SLC24A3: variants seen among roughly 807,000 people sequenced by gnomAD.
SLC24A3 encodes solute carrier family 24 member 3.
A neutral mutation model predicts 75.8 loss-of-function variants in SLC24A3; 28 were observed. The observed-to-expected ratio is 0.37, with a 90% confidence interval of 0.27 to 0.51. The LOEUF (loss-of-function observed/expected upper bound fraction) is 0.51. SLC24A3 is among the 20% of genes least tolerant of loss of function. The pLI is 0.94. For synonymous variants in SLC24A3, 372 were observed against 334.1 expected (o/e 1.11, Z -1.24); for missense variants, 663 against 847.8 (o/e 0.78, Z 2.71).
chr20:19,411,444 G>A (rs1568611190), intron 2 of SLC24A3, among the ~76,000 whole-genome samples: 1 of 152,172 alleles, frequency 6.6e-6, no homozygotes, highest in African/African-American at 2.4e-5. Flanking sequence ...AGATATGTTT[G>A]GACTTTGCCT....
intron 6 of SLC24A3, among the ~76,000 whole-genome samples, chr20:19,638,613 C>T (rs1006336466): frequency 2.0e-5 from 3 of 152,096 alleles, no homozygotes; most frequent in African/African-American, 7.2e-5. Flanking sequence ...TTACATATGT[C>T]AATGCATTTG....
At chr20:19,412,571 C>A (rs936372265) in intron 2 of SLC24A3, among the ~76,000 whole-genome samples, 2 of 147,794 alleles carry the variant, frequency 1.4e-5, no homozygotes, top group East Asian at 2.0e-4. Context: ...AGGGACAGGA[C>A]GAGGAGAAAG....
Position 19,270,024 on chromosome 20 carries a change from C to G in SLC24A3, c.143-10935C>G, listed in dbSNP as rs79411641. Among the ~76,000 whole-genome samples the G allele has an allele frequency of 7.0e-3, 1,070 of 152,298 alleles. 13 individuals carry two copies. Among genetic ancestry groups the G allele is most frequent in the African/African-American group, 0.025 (1,027 of 41,560 alleles). On this transcript the variant is annotated intron_variant, in intron 1 of 16. Coordinates refer to ENST00000328041, the MANE Select transcript of SLC24A3 (RefSeq NM_020689.4). ...CTACGATTTCTCTTCCAACGGCACC[C>G]ATTTCATTGGGGCTGCTCTGTCCAG...
chr20:19,444,871 T>C (rs1389533623), intron 2 of SLC24A3, among the ~76,000 whole-genome samples: 1 of 118,680 alleles, frequency 8.4e-6, no homozygotes, highest in African/African-American at 6.2e-5. Flanking sequence ...AATCGGCTTT[T>C]TGTTGTTGTT....
intron 2 of SLC24A3, among the ~76,000 whole-genome samples, chr20:19,364,744 C>T (rs970563425): frequency 2.6e-5 from 4 of 152,112 alleles, no homozygotes; most frequent in African/African-American, 4.8e-5. Flanking sequence ...CATGAGCCAC[C>T]GTACCTGGCC....
At chr20:19,448,400 A>C (rs1987422497) in intron 2 of SLC24A3, among the ~76,000 whole-genome samples, 1 of 152,238 alleles carries the variant, frequency 6.6e-6, no homozygotes. Context: ...TCAATGTGCA[A>C]ACACAACCTT....
At chr20:19,310,646 A>G (rs991961379) in intron 2 of SLC24A3, among the ~76,000 whole-genome samples, 1 of 152,232 alleles carries the variant, frequency 6.6e-6, no homozygotes, top group Non-Finnish European at 1.5e-5. Flanking sequence ...TCTGCAGCCT[A>G]TGAAGCCTTG....
chr20:19,659,211 C>T (rs2032299228), intron 7 of SLC24A3, among the ~76,000 whole-genome samples: 1 of 152,186 alleles, frequency 6.6e-6, no homozygotes, highest in Admixed American at 6.5e-5. Flanking sequence ...CCCTTGGCAG[C>T]AGTTTGGGGG....
chr20:19,575,297 C>A (rs144483731), intron 3 of SLC24A3, among the ~76,000 whole-genome samples: 12 of 149,154 alleles, frequency 8.0e-5, no homozygotes, highest in African/African-American at 3.0e-4. Context: ...AGCTACTCCA[C>A]GAACACCACC....
intron 14 of SLC24A3, among the ~76,000 whole-genome samples, chr20:19,698,107 G>C (rs182831464): frequency 3.3e-5 from 5 of 152,218 alleles, no homozygotes; most frequent in African/African-American, 1.2e-4. Flanking sequence ...GCAAGAGGGT[G>C]GGGGGAGGTG....
At chr20:19,429,846 A>T (rs1987071021) in intron 2 of SLC24A3, among the ~76,000 whole-genome samples, 1 of 152,030 alleles carries the variant, frequency 6.6e-6, no homozygotes. Context: ...TTTGATTTGG[A>T]GTTATGTCAC....
At chr20:19,601,841 T>C (rs1343741157) in intron 6 of SLC24A3, among the ~76,000 whole-genome samples, 3 of 152,162 alleles carry the variant, frequency 2.0e-5, no homozygotes, top group Admixed American at 2.0e-4. Flanking sequence ...TAATAATAAT[T>C]GAAACAGTAA....
chr20:19,633,286 C>T (rs2031957066), intron 6 of SLC24A3, among the ~76,000 whole-genome samples: 1 of 152,202 alleles, frequency 6.6e-6, no homozygotes, highest in Admixed American at 6.5e-5. Flanking sequence ...TTGTAGATGG[C>T]TGTCTTCTCC....
intron 2 of SLC24A3, among the ~76,000 whole-genome samples, chr20:19,430,004 G>A (rs1025010974): frequency 6.6e-6 from 1 of 152,118 alleles, no homozygotes; most frequent in South Asian, 2.1e-4. Flanking sequence ...AGCCACCCTA[G>A]GGGCTGCACA....
At chr20:19,321,804 A>C (rs959857695) in intron 2 of SLC24A3, among the ~76,000 whole-genome samples, 4 of 152,166 alleles carry the variant, frequency 2.6e-5, no homozygotes, top group Non-Finnish European at 4.4e-5. Flanking sequence ...TATTTCTCCA[A>C]ATCATCTCCA....
chr20:19,688,957 T>C (rs2032714083), intron 12 of SLC24A3, among the ~76,000 whole-genome samples: 1 of 152,166 alleles, frequency 6.6e-6, no homozygotes, highest in Non-Finnish European at 1.5e-5. Flanking sequence ...TATACTATAT[T>C]ATAGGTTATA....
intron 6 of SLC24A3, among the ~76,000 whole-genome samples, chr20:19,628,710 A>T (rs558005965): frequency 1.3e-5 from 2 of 152,118 alleles, no homozygotes; most frequent in African/African-American, 4.8e-5. Context: ...CACCACTACC[A>T]GAGAAATTAA....
chr20:19,604,432 G>A (rs6075541), intron 6 of SLC24A3, among the ~76,000 whole-genome samples: 47,272 of 152,120 alleles, frequency 0.31, 7,791 homozygotes, highest in East Asian at 0.53. Flanking sequence ...GGAACAGAAA[G>A]AAGACCGCTG....
At chr20:19,322,109 C>G (rs1984721151) in intron 2 of SLC24A3, among the ~76,000 whole-genome samples, 1 of 152,120 alleles carries the variant, frequency 6.6e-6, no homozygotes, top group Non-Finnish European at 1.5e-5. Flanking sequence ...ACTCTGACTG[C>G]TTGGTTATGA....
Sources: allele counts gnomAD v4.1 joint callset (sites outside exome capture counted in the v4.1 genomes callset), GRCh38; gene constraint gnomAD v4.1.1; transcripts MANE v1.5; gene names NCBI Gene and HGNC (gene_info 2026-07-23, HGNC 2026-07-21).